Variants in PITPNM2 observed in about 807,000 individuals in gnomAD.
The protein encoded by PITPNM2 is membrane-associated phosphatidylinositol transfer protein 2.
PITPNM2 carries 35 observed loss-of-function variants against 132.2 expected under a neutral mutation model. The observed-to-expected ratio is 0.26, with a 90% CI of 0.20 to 0.35. The LOEUF is 0.35. Ranked by LOEUF, PITPNM2 falls within the 10% of genes least tolerant of loss-of-function variation. PITPNM2 has a pLI of 1.00. For synonymous variants in PITPNM2, 738 were observed against 799.2 expected (o/e 0.92, Z 1.29); for missense variants, 1,332 against 1,912.0 (o/e 0.70, Z 5.66).
chr12:123,115,200 T>C (rs1287869623), intron 1 of PITPNM2, among the ~76,000 whole-genome samples: 3 of 152,172 alleles, frequency 2.0e-5, no homozygotes, highest in African/African-American at 7.2e-5. Context: ...GCTGGCTGGC[T>C]GGATTTCTTA....
chr12:123,115,975 C>T (rs948237601), intron 1 of PITPNM2, among the ~76,000 whole-genome samples: 3 of 152,212 alleles, frequency 2.0e-5, no homozygotes, highest in African/African-American at 7.2e-5. Context: ...TCCAGGAGCA[C>T]AGCCAGGCTT....
At position 123,078,066 on chromosome 12, in the gene PITPNM2, G is replaced by A. The variant is rs963221692; in HGVS notation, c.-96+32319C>T. Among the ~76,000 whole-genome samples, 2 of 152,130 alleles carry A rather than the reference G, an allele frequency of 1.3e-5. No individual in the cohort carries two copies. Among genetic ancestry groups the A allele is most frequent in the African/African-American group, 4.8e-5 (2 of 41,424 alleles). ...AGACTGGGCAGGGATGCCGGAGGAA[G>A]GGAGAAAGGCAGGCCGGAGAGGAAG... On this transcript the variant is annotated intron_variant, in intron 2 of 25. Coordinates refer to ENST00000320201, the MANE Select transcript of PITPNM2 (RefSeq NM_020845.3). The surrounding 1 kb of genome is among the most constrained non-coding windows in gnomAD (Gnocchi z 7.3).
rs557505393 is a variant in PITPNM2 at position 123,022,306 on chromosome 12, G to A, written c.79-8264C>T. On this transcript the variant is annotated intron_variant, in intron 3 of 25. Transcript: ENST00000320201. This position sits in a 1 kb window ranked among gnomAD's most constrained non-coding sequence, Gnocchi z 4.9. ...GTGCCTCTGATCAGGATGCGGCTGC[G>A]GAGGAAGGCCCTTTTCATAGCTATA... is the stretch of plus-strand genomic sequence containing the variant. Among the ~76,000 whole-genome samples, 2 of 152,116 alleles carry A rather than the reference G, an allele frequency of 1.3e-5. No homozygotes were observed. Among genetic ancestry groups the A allele is most frequent in the African/African-American group, 2.4e-5 (1 of 41,412 alleles).
At position 122,987,763 on chromosome 12, in the gene PITPNM2, C is replaced by T. The variant is rs781780809; in HGVS notation, c.3114+22G>A. The T allele has an allele frequency of 8.1e-6, 13 of 1,613,642 alleles. No individual in the cohort carries two copies. The South Asian group carries it at 1.2e-4, about 15-fold the overall frequency. ...AGCTCCCCAAAGTCCCTCCATGTTACCCCTACCCGCCGTGTCCTTACCTTC... is the reference window on the plus strand; with the variant it reads ...AGCTCCCCAAAGTCCCTCCATGTTATCCCTACCCGCCGTGTCCTTACCTTC... On this transcript the variant is annotated intron_variant, in intron 21 of 25. Transcript: ENST00000320201.
chr12:122,987,385 C>T lies in PITPNM2; in HGVS notation c.3309G>A (p.Lys1103=). ...TGCTGAAGACCACGAACTCTGTGCCCTTGGGCAGCACGGTGATGTAGCTGT... is the reference window on the plus strand; with the variant it reads ...TGCTGAAGACCACGAACTCTGTGCCTTTGGGCAGCACGGTGATGTAGCTGT... ...FADSYITVLP[K]GTEFVVFSID... The change falls in exon 23 of 26, where the codon AAG becomes AAA. Residue 1103 remains lysine, a synonymous_variant. Coordinates refer to ENST00000320201, the MANE Select transcript of PITPNM2 (RefSeq NM_020845.3). The T allele has an allele frequency of 6.2e-7, 1 of 1,613,802 alleles. No individual in the cohort carries two copies. Among genetic ancestry groups the T allele is most frequent in the Non-Finnish European group, 8.5e-7 (1 of 1,180,032 alleles).
In PITPNM2 at chr12:123,005,112, C is replaced by T. The variant is rs1253496526; in HGVS notation, c.952+128G>A. On this transcript the variant is annotated intron_variant, in intron 7 of 25. Transcript: ENST00000320201. This position sits in a 1 kb window ranked among gnomAD's most constrained non-coding sequence, Gnocchi z 6.2. ...CGAGGACTAGCCCAGGGCTCTGACTCCCTCTGGGCTTGGTGCCTCAATGTC... is the reference window on the plus strand; with the variant it reads ...CGAGGACTAGCCCAGGGCTCTGACTTCCTCTGGGCTTGGTGCCTCAATGTC... 5 of 1,176,964 alleles carry T rather than the reference C, an allele frequency of 4.2e-6. No homozygotes were observed. The African/African-American group carries it at 6.1e-5, about 14-fold the overall frequency. 72.9% of individuals were successfully genotyped at this position (1,176,964 alleles called of 1,614,324 possible).
Position 123,004,260 on chromosome 12 carries a change from C to G in PITPNM2, c.1048+134G>C. 2.6e-6 allele frequency: 2 copies of G among 775,674 alleles called. No individual in the cohort carries two copies. Among genetic ancestry groups the G allele is most frequent in the Non-Finnish European group, 4.3e-6 (2 of 467,552 alleles). 48.0% of individuals were successfully genotyped at this position (775,674 alleles called of 1,614,324 possible). On this transcript the variant is annotated intron_variant, in intron 8 of 25. Coordinates refer to ENST00000320201, the MANE Select transcript of PITPNM2 (RefSeq NM_020845.3). The surrounding 1 kb of genome is among the most constrained non-coding windows in gnomAD (Gnocchi z 4.9). ...ACCAGGCTGTCCACCTGGGACAGTGCAGGTATAGGGACTGGATATAGAATA... is the reference window on the plus strand; with the variant it reads ...ACCAGGCTGTCCACCTGGGACAGTGGAGGTATAGGGACTGGATATAGAATA...
intron 2 of PITPNM2, among the ~76,000 whole-genome samples, chr12:123,074,348 T>C (rs1296214677): frequency 1.3e-5 from 2 of 152,110 alleles, no homozygotes; most frequent in African/African-American, 4.8e-5. Flanking sequence ...AGAAGCAGAA[T>C]GCAAAGTTAA....
intron 3 of PITPNM2, among the ~76,000 whole-genome samples, chr12:123,019,323 A>G (rs1031004498): frequency 3.9e-5 from 6 of 152,252 alleles, no homozygotes; most frequent in African/African-American, 7.2e-5. Context: ...TTACACAGGC[A>G]TATTCACTTT....
chr12:122,987,906 G>A lies in PITPNM2; in HGVS notation c.2998-5C>T. 1 of 1,607,040 alleles carries A rather than the reference G, an allele frequency of 6.2e-7. No homozygotes were observed. The highest frequency in any genetic ancestry group is 8.5e-7 in the Non-Finnish European group (1 of 1,175,952). On this transcript the variant is annotated splice_polypyrimidine_tract_variant and splice_region_variant and intron_variant, in intron 20 of 25. Coordinates refer to ENST00000320201, the MANE Select transcript of PITPNM2 (RefSeq NM_020845.3). ...CCGGTGGTTGGCCGTCACGTTCTGT[G>A]GAGGGAGTGGCAAGCCCAGGTCAGG...
chr12:123,130,256 A>G (rs1043389421), intron 1 of PITPNM2, among the ~76,000 whole-genome samples: 6 of 152,118 alleles, frequency 3.9e-5, no homozygotes. Context: ...ATGAGGGCCT[A>G]TGGATTTCAG....
Position 123,031,829 on chromosome 12 carries a change from T to A in PITPNM2, c.78+2684A>T, listed in dbSNP as rs1566257676. ...ACAGGAAAGCAGACGTGTGCACACA[T>A]GCTTGCTCACCCAGAAGGTGCACAG... is the stretch of plus-strand genomic sequence containing the variant. On this transcript the variant is annotated intron_variant, in intron 3 of 25. Transcript: ENST00000320201. The surrounding 1 kb of genome is among the most constrained non-coding windows in gnomAD (Gnocchi z 4.5). 6.6e-6 allele frequency among the ~76,000 whole-genome samples: 1 copy of A among 152,166 alleles called. No individual in the cohort carries two copies. Among genetic ancestry groups the A allele is most frequent in the Admixed American group, 6.5e-5 (1 of 15,274 alleles).
In PITPNM2 at chr12:123,095,872, T is replaced by C. The variant is rs544796678; in HGVS notation, c.-96+14513A>G. 1.1e-4 allele frequency among the ~76,000 whole-genome samples: 16 copies of C among 152,344 alleles called. No homozygotes were observed. The South Asian group carries it at 1.9e-3, about 18-fold the overall frequency. On this transcript the variant is annotated intron_variant, in intron 2 of 25. Coordinates refer to ENST00000320201, the MANE Select transcript of PITPNM2 (RefSeq NM_020845.3). The surrounding 1 kb of genome is among the most constrained non-coding windows in gnomAD (Gnocchi z 5.0). The stretch of plus-strand genomic sequence containing the variant: ...GCGTCAGCACCTGAGGCTCCCTTCA[T>C]GGGCTCCACGCCCCAGTGGCAGACC...
At position 122,991,768 on chromosome 12, in the gene PITPNM2, C is replaced by T. The variant is rs750913437; in HGVS notation, c.2404+731G>A. ...GAGGGTACACACACTCGGCACAGCC[C>T]GGGCGGGGCCCGTCTTGCCAGGTGG... On this transcript the variant is annotated intron_variant, in intron 16 of 25. Transcript: ENST00000320201. 2.1e-5 allele frequency: 27 copies of T among 1,297,718 alleles called. No individual in the cohort carries two copies. The East Asian group carries it at 2.5e-4, about 12-fold the overall frequency. The allele number at this position is 1,297,718 out of a possible 1,614,324, so 80.4% of individuals were successfully genotyped here. A position where few individuals can be genotyped will look rare whatever the true frequency, so the allele number is the denominator to read the frequency against.
At chr12:123,007,993 C>T (rs981340543) in intron 6 of PITPNM2, among the ~76,000 whole-genome samples, 1 of 152,228 alleles carries the variant, frequency 6.6e-6, no homozygotes, top group Non-Finnish European at 1.5e-5. Flanking sequence ...TGCCACACCC[C>T]ATCTTCAGTT....
intron 1 of PITPNM2, among the ~76,000 whole-genome samples, chr12:123,145,828 T>A (rs2043604037): frequency 6.6e-6 from 1 of 152,160 alleles, no homozygotes; most frequent in Non-Finnish European, 1.5e-5. Context: ...AAAATATCGT[T>A]CTATCATAAA....
At chr12:122,989,531 G>A (rs759821911) in intron 18 of PITPNM2, among the ~76,000 whole-genome samples, 36 of 152,154 alleles carry the variant, frequency 2.4e-4, no homozygotes, top group Non-Finnish European at 4.9e-4. Context: ...GGCTTCCCTA[G>A]GTTCTGCCCA....
intron 1 of PITPNM2, among the ~76,000 whole-genome samples, chr12:123,145,807 C>A (rs192429587): frequency 6.6e-6 from 1 of 152,116 alleles, no homozygotes; most frequent in East Asian, 1.9e-4. Flanking sequence ...AGCAAGACGT[C>A]GTCTCTACTA....
chr12:122,994,888 C>G lies in PITPNM2; in HGVS notation c.2146G>C (p.Asp716His). ...LDGTGALGRF[D>H]FEITDLFLFG... ...AGGAAGAGGTCGGTGATCTCAAAGT[C>G]AAACCTGCCCAGGGCACCTGTGCCA... The change falls in exon 15 of 26, where the codon GAC becomes CAC. Residue 716 changes from aspartate (D) to histidine (H), a missense_variant. Physicochemically the swap from Asp to His is moderately conservative, Grantham distance 81 (BLOSUM62 -1). Around this residue, in one of 6 missense-constraint regions of PITPNM2, gnomAD observed 710 missense variants for 911.5 expected, o/e 0.78. Transcript: ENST00000320201. The surrounding 1 kb of genome is among the most constrained non-coding windows in gnomAD (Gnocchi z 5.4). 9.3e-6 allele frequency: 15 copies of G among 1,612,360 alleles called. No individual in the cohort carries two copies. Among genetic ancestry groups the G allele is most frequent in the Non-Finnish European group, 1.3e-5 (15 of 1,179,940 alleles).
Sources: allele counts gnomAD v4.1 joint callset (sites outside exome capture counted in the v4.1 genomes callset), GRCh38; gene constraint gnomAD v4.1.1; regional missense constraint gnomAD v4.1.1; non-coding constraint Gnocchi (gnomAD v3.1); transcripts MANE v1.5; gene names NCBI Gene and HGNC (gene_info 2026-07-23, HGNC 2026-07-21).